The following FANCE variants were observed in gnomAD, a reference collection of about 807,000 sequenced individuals.
FANCE encodes the protein FA complementation group E, also known as Fanconi anemia group E protein.
A neutral mutation model predicts 57.8 loss-of-function variants in FANCE; 42 were observed. That is an observed-to-expected ratio of 0.73 (90% CI 0.57 to 0.94). The LOEUF is 0.94. FANCE is among the 40% of genes least tolerant of loss of function. The probability of loss-of-function intolerance (pLI) is 0.00; values close to 1 mark genes in which losing one functional copy is unlikely to be tolerated. For synonymous variants in FANCE, 251 were observed against 286.4 expected (o/e 0.88, Z 1.25); for missense variants, 608 against 661.8 (o/e 0.92, Z 0.89).
At chr6:35,460,351 G>A (rs1003020189) in intron 7 of FANCE, among the ~76,000 whole-genome samples, 3 of 152,120 alleles carry the variant, frequency 2.0e-5, no homozygotes, top group Non-Finnish European at 4.4e-5. Flanking sequence ...TCTGACCTCA[G>A]GTGATCCACC....
Position 35,457,477 on chromosome 6 carries a change from C to G in FANCE, c.856-79C>G, listed in dbSNP as rs1012883913. ...AGCTCCCACTGACCTGGGGCCTTTT[C>G]AGTAGGGGGAGCCAGAACCGGGCTT... On this transcript the variant is annotated intron_variant, in intron 2 of 9. Transcript: ENST00000229769. 6 of 1,530,358 alleles carry G rather than the reference C, an allele frequency of 3.9e-6. No individual in the cohort carries two copies. In the African/African-American group the frequency reaches 6.8e-5, roughly 17 times the overall value. The allele number at this position is 1,530,358 out of a possible 1,614,324, so 94.8% of individuals were successfully genotyped here.
intron 8 of FANCE, among the ~76,000 whole-genome samples, chr6:35,460,863 ATG>A (rs945656304): frequency 6.6e-6 from 1 of 151,596 alleles, no homozygotes; most frequent in Non-Finnish European, 1.5e-5. Context: ...GGGATTTTTG[ATG>A]TGTGTGTGTG....
chr6:35,459,934 C>G (rs189421089), intron 7 of FANCE, among the ~76,000 whole-genome samples, 174 bp downstream of exon 7: 1 of 152,130 alleles, frequency 6.6e-6, no homozygotes, highest in African/African-American at 2.4e-5. Context: ...TTTGTTCTCA[C>G]GATGCACTTT....
intron 9 of FANCE, among the ~76,000 whole-genome samples, 168 bp downstream of exon 9, chr6:35,463,082 T>G (rs971808697): frequency 1.3e-5 from 2 of 152,116 alleles, no homozygotes; most frequent in Non-Finnish European, 2.9e-5. Context: ...AGGCGGATCA[T>G]GAGGTCAGGA....
intron 9 of FANCE, among the ~76,000 whole-genome samples, chr6:35,465,820 G>A (rs185700519): frequency 6.4e-4 from 98 of 152,330 alleles, no homozygotes; most frequent in African/African-American, 2.3e-3. Context: ...GGAGGTTGTA[G>A]CAACAGGGCA....
At chr6:35,461,937 G>T (rs952360003) in intron 8 of FANCE, among the ~76,000 whole-genome samples, 1 of 151,584 alleles carries the variant, frequency 6.6e-6, no homozygotes, top group African/African-American at 2.4e-5. Flanking sequence ...GTGAGCCACC[G>T]TGCCCAGCCC....
chr6:35,459,802 TC>T (rs2150897436), intron 7 of FANCE, 42 bp downstream of exon 7: 1 of 1,560,852 alleles, frequency 6.4e-7, no homozygotes, highest in Non-Finnish European at 8.8e-7. Flanking sequence ...TGCCACCTGT[TC>T]CCCCAGGCTA....
At chr6:35,457,338 G>A (rs1410390773) in intron 2 of FANCE, among the ~76,000 whole-genome samples, 4 of 151,954 alleles carry the variant, frequency 2.6e-5, no homozygotes, top group Non-Finnish European at 4.4e-5. Context: ...AACTAGTTGT[G>A]CAGGCTATCT....
chr6:35,462,705 G>C (rs960457216), intron 8 of FANCE, 84 bp from the exon 9 acceptor site: 84 of 1,586,400 alleles, frequency 5.3e-5, no homozygotes, highest in Non-Finnish European at 7.1e-5. Flanking sequence ...GGAAGTGGTG[G>C]AGTTGGGAAT....
Position 35,466,397 on chromosome 6 carries a change from G to T in FANCE, c.*52G>T. On this transcript the variant is annotated 3_prime_UTR_variant, in exon 10 of 10. Transcript: ENST00000229769. Reference sequence around the variant, plus strand: ...GTGCTCCATCACCAGCTTCCTGAAGGGCATTTCTTTCTTCACCACCTTGTC... The same window carrying T: ...GTGCTCCATCACCAGCTTCCTGAAGTGCATTTCTTTCTTCACCACCTTGTC... 8.5e-7 allele frequency: 1 copy of T among 1,178,270 alleles called. No homozygotes were observed. Among genetic ancestry groups the T allele is most frequent in the South Asian group, 1.2e-5 (1 of 82,254 alleles). The allele number at this position is 1,178,270 out of a possible 1,614,324, so 73.0% of individuals were successfully genotyped here. A position where few individuals can be genotyped will look rare whatever the true frequency, so the allele number is the denominator to read the frequency against.
At chr6:35,459,008 T>G (rs1001281400) in intron 5 of FANCE, among the ~76,000 whole-genome samples, 5 of 152,164 alleles carry the variant, frequency 3.3e-5, no homozygotes, top group African/African-American at 1.2e-4. Context: ...CTCGAACTCC[T>G]GGCCTCAAGT....
chr6:35,455,633 T>G, intron 1 of FANCE, 114 bp from the exon 2 acceptor site: 1 of 1,276,996 alleles, frequency 7.8e-7, no homozygotes, highest in Non-Finnish European at 1.1e-6. Context: ...CTCTTGCAGA[T>G]ACTGCGTGCC....
chr6:35,457,684 G>A, intron 3 of FANCE, 84 bp downstream of exon 3: 1 of 1,475,852 alleles, frequency 6.8e-7, no homozygotes, highest in Non-Finnish European at 9.4e-7. Flanking sequence ...GCCCAATGCA[G>A]TGATATACAA....
intron 8 of FANCE, among the ~76,000 whole-genome samples, chr6:35,461,650 CTT>C (rs71540107): frequency 1.1e-4 from 16 of 140,742 alleles, no homozygotes; most frequent in Admixed American, 1.4e-4. Flanking sequence ...GACCTAACTT[CTT>C]TTTTTTTTTT....
rs201543340 is a variant in FANCE, at chr6:35,455,875, C to A, written c.377C>A (p.Ala126Asp). The A allele has an allele frequency of 4.3e-6, 7 of 1,614,174 alleles. No individual in the cohort carries two copies. Among genetic ancestry groups the A allele is most frequent in the East Asian group, 2.2e-5 (1 of 44,866 alleles). ...CTGCAGATTGCCCAGCAGGACCTAG[C>A]CCCTGACCCAGATGCCTGGCTCCGT... ...SVLQIAQQDL[A>D]PDPDAWLRAL... The change falls in exon 2 of 10, where the codon GCC becomes GAC. Residue 126 changes from alanine (A) to aspartate (D), a missense_variant. Physicochemically the swap from Ala to Asp is moderately radical, Grantham distance 126 (BLOSUM62 -2). Transcript: ENST00000229769.
chr6:35,453,026 C>A (rs1417600748), intron 1 of FANCE, among the ~76,000 whole-genome samples: 2 of 152,252 alleles, frequency 1.3e-5, no homozygotes, highest in Non-Finnish European at 2.9e-5. Flanking sequence ...AGGCAAATCA[C>A]TTTTGATCGC....
chr6:35,462,708 T>A lies in FANCE; in HGVS notation c.1384-81T>A. 1.9e-6 allele frequency: 3 copies of A among 1,592,958 alleles called. No individual in the cohort carries two copies. The South Asian group carries it at 3.4e-5, about 18-fold the overall frequency. On this transcript the variant is annotated intron_variant, in intron 8 of 9. Transcript: ENST00000229769. ...GTCACCTAGCTAGGAAGTGGTGGAG[T>A]TGGGAATTGAATCCAGGACTGGCTG...
intron 9 of FANCE, among the ~76,000 whole-genome samples, chr6:35,464,385 G>A (rs980617381): frequency 6.7e-6 from 1 of 149,454 alleles, no homozygotes; most frequent in Non-Finnish European, 1.5e-5. Flanking sequence ...CTACAGGCGC[G>A]CGCCACCATG....
chr6:35,464,724 T>G lies in FANCE; in HGVS notation c.1510-1520T>G, dbSNP rs192255724. 1.0e-3 allele frequency among the ~76,000 whole-genome samples: 153 copies of G among 146,622 alleles called. No homozygotes were observed. The South Asian group carries it at 0.011, about 10-fold the overall frequency. Reference sequence around the variant, plus strand: ...TTCCATGTGTCAGCCCTGTGAGAGATATTCTTTTTTTTTTTTTTTTTTTTT... The same window carrying G: ...TTCCATGTGTCAGCCCTGTGAGAGAGATTCTTTTTTTTTTTTTTTTTTTTT... On this transcript the variant is annotated intron_variant, in intron 9 of 9. Coordinates refer to ENST00000229769, the MANE Select transcript of FANCE (RefSeq NM_021922.3).
Sources: allele counts gnomAD v4.1 joint callset (sites outside exome capture counted in the v4.1 genomes callset), GRCh38; gene constraint gnomAD v4.1.1; transcripts MANE v1.5; gene names NCBI Gene and HGNC (gene_info 2026-07-23, HGNC 2026-07-21).